DNAH5: variants seen among roughly 807,000 people sequenced by gnomAD.
DNAH5 encodes dynein axonemal heavy chain 5.
Under a neutral mutation model 518.2 loss-of-function variants are expected in DNAH5, and 372 were observed. The observed-to-expected ratio is 0.72, with a 90% confidence interval of 0.66 to 0.78. The LOEUF is 0.78. Ranked by LOEUF, DNAH5 falls within the 30% of genes least tolerant of loss-of-function variation. The pLI, the probability that DNAH5 is intolerant of heterozygous loss-of-function variation, is 0.00. For synonymous variants in DNAH5, 2,039 were observed against 2,025.9 expected (o/e 1.01, Z -0.17); for missense variants, 5,523 against 5,687.0 (o/e 0.97, Z 0.93).
intron 38 of DNAH5, among the ~76,000 whole-genome samples, chr5:13,827,881 C>T (rs1337681513): frequency 6.6e-6 from 1 of 152,090 alleles, no homozygotes; most frequent in Non-Finnish European, 1.5e-5. Flanking sequence ...GGGCTTTTCC[C>T]CCTCTTCACT....
At chr5:13,699,018 C>A (rs995598201) in intron 78 of DNAH5, among the ~76,000 whole-genome samples, 2 of 152,090 alleles carry the variant, frequency 1.3e-5, no homozygotes, top group African/African-American at 4.8e-5. Context: ...CTCAGCTCCA[C>A]GAGAATGGGA....
At chr5:13,930,385 C>T (rs1272045647) in intron 2 of DNAH5, among the ~76,000 whole-genome samples, 1 of 152,144 alleles carries the variant, frequency 6.6e-6, no homozygotes, top group Non-Finnish European at 1.5e-5. Context: ...TCCAACCTTG[C>T]CCAAATCCAG....
At chr5:13,839,298 C>A in intron 35 of DNAH5, 58 bp downstream of exon 35, 1 of 1,546,868 alleles carries the variant, frequency 6.5e-7, no homozygotes, top group South Asian at 1.1e-5. Flanking sequence ...AAGCAAAAAT[C>A]CCCTGAGCAA....
At chr5:13,780,214 T>C (rs562463200) in intron 53 of DNAH5, among the ~76,000 whole-genome samples, 1 of 152,352 alleles carries the variant, frequency 6.6e-6, no homozygotes, top group African/African-American at 2.4e-5. Flanking sequence ...TCTTTTCTAA[T>C]CATCCCTTAG....
At chr5:13,847,304 A>C (rs528843706) in intron 31 of DNAH5, among the ~76,000 whole-genome samples, 1 of 151,270 alleles carries the variant, frequency 6.6e-6, no homozygotes, top group African/African-American at 2.5e-5. Context: ...AGACAGGGAA[A>C]GCTCAGTTAA....
At chr5:13,696,936 G>T (rs1173507570) in intron 78 of DNAH5, among the ~76,000 whole-genome samples, 1 of 151,956 alleles carries the variant, frequency 6.6e-6, no homozygotes, top group African/African-American at 2.4e-5. Flanking sequence ...TACCCAGCAG[G>T]GTGGGTATAG....
intron 35 of DNAH5, 26 bp downstream of exon 35, chr5:13,839,330 G>C: frequency 6.2e-7 from 1 of 1,611,090 alleles, no homozygotes; most frequent in Non-Finnish European, 8.5e-7. Flanking sequence ...AAAAATGGTG[G>C]GGGTTGGGGA....
At chr5:13,708,072 C>A in intron 76 of DNAH5, 51 bp downstream of exon 76, 1 of 1,587,844 alleles carries the variant, frequency 6.3e-7, no homozygotes, top group South Asian at 1.1e-5. Context: ...CCAATTACAA[C>A]TCTTCACAAT....
At position 13,917,329 on chromosome 5, in the gene DNAH5, A is replaced by G. The variant is rs77141180; in HGVS notation, c.976-73T>C. The stretch of plus-strand genomic sequence containing the variant: ...AACTTCCAACACAACCACTGCTAAG[A>G]GTCACCACAAGTCCATTAGGCGAGA... On this transcript the variant is annotated intron_variant, in intron 7 of 78. Coordinates refer to ENST00000265104, the MANE Select transcript of DNAH5 (RefSeq NM_001369.3). 2,803 of 1,050,680 alleles carry G rather than the reference A, an allele frequency of 2.7e-3. 45 individuals are homozygous for G. The African/African-American group carries it at 0.039, about 15-fold the overall frequency. 65.1% of individuals were successfully genotyped at this position (1,050,680 alleles called of 1,614,324 possible). A position where few individuals can be genotyped will look rare whatever the true frequency, so the allele number is the denominator to read the frequency against.
At chr5:13,862,445 G>A in intron 29 of DNAH5, 103 bp downstream of exon 29, 1 of 1,126,444 alleles carries the variant, frequency 8.9e-7, no homozygotes. Flanking sequence ...TCAACATTGA[G>A]TAAACTATAT....
At position 13,717,378 on chromosome 5, in the gene DNAH5, T is replaced by C. The variant is rs1161402803; in HGVS notation, c.12642A>G (p.Gln4214=). The stretch of plus-strand genomic sequence containing the variant: ...ACTGCACAGTGGCATTAAAGTCCGC[T>C]TGGTTAAATTCGTAGGGGATATTCC... ...LGWNIPYEFN[Q]ADFNATVQFI... The change falls in exon 73 of 79, where the codon CAA becomes CAG. Residue 4214 remains glutamine, a synonymous_variant. Transcript: ENST00000265104. The C allele has an allele frequency of 9.9e-6, 16 of 1,614,076 alleles. No homozygotes were observed. The East Asian group carries it at 3.3e-4, about 34-fold the overall frequency.
intron 70 of DNAH5, among the ~76,000 whole-genome samples, chr5:13,726,881 T>C (rs893741468): frequency 5.9e-5 from 9 of 152,222 alleles, no homozygotes; most frequent in African/African-American, 1.4e-4. Context: ...GCGTTAAACT[T>C]TTCATCATAA....
rs569872378 is a variant in DNAH5 at position 13,765,487 on chromosome 5, G to C, written c.10101+489C>G. Among the ~76,000 whole-genome samples the C allele has an allele frequency of 1.6e-3, 239 of 152,282 alleles. 1 individual carries two copies. The highest frequency in any genetic ancestry group is 5.3e-3 in the African/African-American group (221 of 41,558). On this transcript the variant is annotated intron_variant, in intron 59 of 78. Coordinates refer to ENST00000265104, the MANE Select transcript of DNAH5 (RefSeq NM_001369.3). ...TTATCTTAAGGAAAGTTATTGACTT[G>C]GTTGGGGCACAAGAGAGATTTCTGG...
intron 76 of DNAH5, among the ~76,000 whole-genome samples, chr5:13,703,312 C>A (rs1579818942): frequency 6.6e-6 from 1 of 152,134 alleles, no homozygotes; most frequent in Admixed American, 6.6e-5. Context: ...TCATTTAATC[C>A]TCACAATAAT....
intron 59 of DNAH5, among the ~76,000 whole-genome samples, chr5:13,764,594 A>G (rs956719814): frequency 6.6e-6 from 1 of 152,230 alleles, no homozygotes; most frequent in African/African-American, 2.4e-5. Context: ...CACTGCTGGT[A>G]GGTATATATA....
chr5:13,867,323 T>C (rs1284815653), intron 25 of DNAH5, among the ~76,000 whole-genome samples: 2 of 152,152 alleles, frequency 1.3e-5, no homozygotes, highest in Non-Finnish European at 2.9e-5. Flanking sequence ...AACTGAATCA[T>C]GGGAGCGGTT....
At chr5:13,720,876 G>T in intron 71 of DNAH5, 124 bp downstream of exon 71, 3 of 1,337,712 alleles carry the variant, frequency 2.2e-6, no homozygotes, top group Admixed American at 2.2e-5. Flanking sequence ...AAAAAACGCT[G>T]TTTAGTAAAC....
chr5:13,755,154 C>T (rs1750813363), intron 61 of DNAH5, among the ~76,000 whole-genome samples: 1 of 152,032 alleles, frequency 6.6e-6, no homozygotes, highest in African/African-American at 2.4e-5. Flanking sequence ...GGCTCTGTTT[C>T]TTAGTGTTTA....
chr5:13,922,022 C>A (rs1580902097), intron 5 of DNAH5, 85 bp downstream of exon 5: 19 of 1,399,076 alleles, frequency 1.4e-5, no homozygotes, highest in Non-Finnish European at 1.8e-5. Flanking sequence ...GGAATTAAGA[C>A]CATCTAAGAG....
Sources: gnomAD v4.1 joint callset for allele counts (sites outside exome capture counted in the v4.1 genomes callset) on GRCh38, gnomAD v4.1.1 for gene constraint, MANE v1.5 for transcripts, NCBI Gene and HGNC (gene_info 2026-07-23, HGNC 2026-07-21) for gene names.